Variants in ARID4B observed in about 807,000 individuals in gnomAD.
The protein encoded by ARID4B is AT-rich interactive domain-containing protein 4B.
ARID4B carries 26 observed loss-of-function variants against 147.5 expected under a neutral mutation model. The ratio of observed to expected loss-of-function variants is 0.18; its 90% confidence interval spans 0.13 to 0.24. The LOEUF (loss-of-function observed/expected upper bound fraction) is 0.24, where lower values mean the gene tolerates loss of function less well. Ranked by LOEUF, ARID4B falls within the 10% of genes least tolerant of loss-of-function variation. The pLI is 1.00. For missense variants in ARID4B, 1,179 were observed against 1,511.5 expected (o/e 0.78, Z 3.65); for synonymous variants, 512 against 507.9 (o/e 1.01, Z -0.11).
Position 235,215,547 on chromosome 1 carries a change from A to ATATGTGTGTGTGTG in ARID4B, c.1584-1522_1584-1521insCACACACACACATA, listed in dbSNP as rs1553293242. On this transcript the variant is annotated intron_variant, in intron 16 of 23. Transcript: ENST00000264183. ...TATATTACACCATGCACACATATAT[A>ATATGTGTGTGTGTG]TGTGTGTGTGTGTGTGTGTGTGTGT... Among the ~76,000 whole-genome samples the ATATGTGTGTGTGTG allele has an allele frequency of 3.0e-4, 41 of 136,496 alleles. 1 individual carries two copies. Among genetic ancestry groups the ATATGTGTGTGTGTG allele is most frequent in the East Asian group, 1.5e-3 (7 of 4,782 alleles). 89.5% of individuals were successfully genotyped at this position (136,496 alleles called of 152,430 possible).
At chr1:235,293,625 A>G (rs1672483391) in intron 2 of ARID4B, among the ~76,000 whole-genome samples, 1 of 149,128 alleles carries the variant, frequency 6.7e-6, no homozygotes, top group Admixed American at 6.8e-5. Flanking sequence ...ATTTAACTAT[A>G]TAGAATATTC....
At chr1:235,287,531 AT>A (rs1203933627) in intron 2 of ARID4B, among the ~76,000 whole-genome samples, 5 of 152,162 alleles carry the variant, frequency 3.3e-5, no homozygotes, top group African/African-American at 1.2e-4. Flanking sequence ...ACTTATTTTT[AT>A]TTTTCTACTT....
At position 235,202,276 on chromosome 1, in the gene ARID4B, G is replaced by A. The variant is rs144124279; in HGVS notation, c.1842-6161C>T. On this transcript the variant is annotated intron_variant, in intron 17 of 23. Coordinates refer to ENST00000264183, the MANE Select transcript of ARID4B (RefSeq NM_016374.6). ...AATATTGAGTTAGAAAATTAAGACA[G>A]TGATTAGCCTATACTTTTTCAATTC... is the stretch of plus-strand genomic sequence containing the variant. 2.0e-5 allele frequency among the ~76,000 whole-genome samples: 3 copies of A among 152,010 alleles called. No homozygotes were observed. The East Asian group carries it at 5.8e-4, about 29-fold the overall frequency.
intron 2 of ARID4B, among the ~76,000 whole-genome samples, chr1:235,318,585 T>C (rs937114465): frequency 1.3e-5 from 2 of 152,262 alleles, no homozygotes; most frequent in Non-Finnish European, 1.5e-5. Flanking sequence ...CAAATCCTTA[T>C]AGACAGAAAG....
At chr1:235,302,441 T>C (rs1673249536) in intron 2 of ARID4B, among the ~76,000 whole-genome samples, 1 of 152,110 alleles carries the variant, frequency 6.6e-6, no homozygotes, top group Non-Finnish European at 1.5e-5. Context: ...ATTTCAAAGA[T>C]ATAGTATTAA....
chr1:235,253,586 A>G (rs993763363), intron 5 of ARID4B, among the ~76,000 whole-genome samples: 12 of 152,364 alleles, frequency 7.9e-5, no homozygotes, highest in African/African-American at 2.9e-4. Flanking sequence ...ATATACATTT[A>G]TATGATTTTG....
At chr1:235,285,503 C>A (rs1166064964) in intron 2 of ARID4B, among the ~76,000 whole-genome samples, 7 of 152,222 alleles carry the variant, frequency 4.6e-5, no homozygotes, top group Non-Finnish European at 8.8e-5. Context: ...CTGCAACTAA[C>A]ATTATACTTA....
chr1:235,324,436 C>T (rs956132249), intron 2 of ARID4B, among the ~76,000 whole-genome samples: 3 of 152,188 alleles, frequency 2.0e-5, no homozygotes, highest in Non-Finnish European at 2.9e-5. Flanking sequence ...ACATACAACA[C>T]TTCAACTTTA....
At chr1:235,307,678 G>A (rs1265518795) in intron 2 of ARID4B, among the ~76,000 whole-genome samples, 1 of 152,146 alleles carries the variant, frequency 6.6e-6, no homozygotes, top group East Asian at 1.9e-4. Flanking sequence ...GGGCTCAAAT[G>A]ACCTTTCAAA....
chr1:235,216,310 TACACACACACAC>T (rs71576467), intron 16 of ARID4B, among the ~76,000 whole-genome samples: 1 of 149,206 alleles, frequency 6.7e-6, no homozygotes, highest in African/African-American at 2.5e-5. Context: ...TATATATGTA[TACACACACACAC>T]ACACACACAC....
At chr1:235,169,318 A>G (rs116655858) in intron 23 of ARID4B, among the ~76,000 whole-genome samples, 5,992 of 139,886 alleles carry the variant, frequency 0.043, 440 homozygotes, top group African/African-American at 0.15. Context: ...TTGGCTCACT[A>G]AAAGTTCTGC....
intron 18 of ARID4B, among the ~76,000 whole-genome samples, chr1:235,194,886 G>A (rs1327753514): frequency 1.3e-5 from 2 of 152,142 alleles, no homozygotes; most frequent in African/African-American, 2.4e-5. Flanking sequence ...TATGTGGGTT[G>A]GGAATGACAA....
chr1:235,176,781 G>A (rs1186206613), intron 21 of ARID4B: 10 of 464,486 alleles, frequency 2.2e-5, no homozygotes, highest in Middle Eastern at 6.3e-4. Flanking sequence ...GCAGAACCTC[G>A]GGGAGCTGGC....
intron 2 of ARID4B, among the ~76,000 whole-genome samples, chr1:235,325,310 G>A (rs1675144333): frequency 6.6e-6 from 1 of 150,770 alleles, no homozygotes; most frequent in Non-Finnish European, 1.5e-5. Flanking sequence ...GTATTACCAA[G>A]AAACTTTTAA....
intron 2 of ARID4B, among the ~76,000 whole-genome samples, chr1:235,282,360 C>T (rs555540376): frequency 6.6e-6 from 1 of 152,306 alleles, no homozygotes; most frequent in African/African-American, 2.4e-5. Context: ...CTGCTCAAGG[C>T]TACTTCACAG....
chr1:235,260,069 G>A (rs1670204760), intron 3 of ARID4B, among the ~76,000 whole-genome samples: 1 of 152,078 alleles, frequency 6.6e-6, no homozygotes, highest in South Asian at 2.1e-4. Flanking sequence ...TATTAAAATG[G>A]AAGCAATTAC....
intron 19 of ARID4B, among the ~76,000 whole-genome samples, chr1:235,186,539 T>C (rs2102937309): frequency 6.6e-6 from 1 of 151,704 alleles, no homozygotes. Flanking sequence ...GCCTCCCCAA[T>C]AGCTGGGACT....
intron 20 of ARID4B, chr1:235,181,189 C>T: frequency 9.8e-7 from 1 of 1,023,498 alleles, no homozygotes; most frequent in Non-Finnish European, 1.2e-6. Context: ...AGGGGTCTGT[C>T]AATAAATCAA....
chr1:235,319,328 G>A (rs1409300669), intron 2 of ARID4B, among the ~76,000 whole-genome samples: 1 of 151,950 alleles, frequency 6.6e-6, no homozygotes, highest in African/African-American at 2.4e-5. Context: ...ACCAGCCTGG[G>A]CAACACAGTG....
Sources: allele counts gnomAD v4.1 joint callset (sites outside exome capture counted in the v4.1 genomes callset), GRCh38; gene constraint gnomAD v4.1.1; transcripts MANE v1.5; gene names NCBI Gene and HGNC (gene_info 2026-07-23, HGNC 2026-07-21).